ERN1: variants seen among roughly 807,000 people sequenced by gnomAD.
The protein encoded by ERN1 is endoplasmic reticulum to nucleus signaling 1.
ERN1 carries 39 observed loss-of-function variants against 113.1 expected under a neutral mutation model. The ratio of observed to expected loss-of-function variants is 0.34; its 90% CI spans 0.27 to 0.45. The LOEUF (loss-of-function observed/expected upper bound fraction) is 0.45, where lower values mean the gene tolerates loss of function less well. Ranked by LOEUF, ERN1 falls within the 20% of genes least tolerant of loss-of-function variation. ERN1 has a pLI of 1.00. For missense variants in ERN1, 976 were observed against 1,274.8 expected (o/e 0.77, Z 3.57); for synonymous variants, 507 against 515.9 (o/e 0.98, Z 0.23).
intron 1 of ERN1, among the ~76,000 whole-genome samples, chr17:64,100,216 CAG>C (rs1273452463): frequency 1.3e-5 from 2 of 152,046 alleles, no homozygotes; most frequent in African/African-American, 2.4e-5. Flanking sequence ...CATGAGTAAA[CAG>C]GGGCTAAGTG....
intron 1 of ERN1, among the ~76,000 whole-genome samples, chr17:64,124,175 G>C (rs1335368485): frequency 3.3e-5 from 5 of 152,158 alleles, no homozygotes; most frequent in Non-Finnish European, 7.3e-5. Flanking sequence ...TAGTGCAGCT[G>C]CCTTGGAAAA....
intron 1 of ERN1, among the ~76,000 whole-genome samples, chr17:64,123,290 A>G (rs747056980): frequency 1.3e-5 from 2 of 152,204 alleles, no homozygotes; most frequent in African/African-American, 4.8e-5. Flanking sequence ...CAGGGTGCTC[A>G]TGGGTGCCAC....
intron 7 of ERN1, among the ~76,000 whole-genome samples, chr17:64,067,529 G>T (rs905333156): frequency 1.3e-5 from 2 of 151,436 alleles, no homozygotes; most frequent in Non-Finnish European, 2.9e-5. Flanking sequence ...GATCGCTTGA[G>T]CCTAGGAGTT....
chr17:64,056,517 G>A (rs73330108), intron 12 of ERN1, among the ~76,000 whole-genome samples: 19,671 of 152,194 alleles, frequency 0.13, 1,695 homozygotes, highest in African/African-American at 0.24. Context: ...GGTGAGCCTG[G>A]CTGAGGTCCT....
chr17:64,119,376 GTTTTTTTTTTTTTTTTTTT>G (rs3044073), intron 1 of ERN1, among the ~76,000 whole-genome samples: 1 of 77,896 alleles, frequency 1.3e-5, no homozygotes, highest in African/African-American at 5.6e-5. Flanking sequence ...TTTTTTCTAG[GTTTTTTTTTTTTTTTTTTT>G]TTTTTTTTTT....
rs779078825 is a variant in ERN1, at chr17:64,055,701, C to T, written c.1646G>A (p.Ser549Asn). The T allele has an allele frequency of 1.9e-6, 3 of 1,601,132 alleles. No individual in the cohort carries two copies. In the African/African-American group the frequency reaches 4.0e-5, roughly 21 times the overall value. Reference protein sequence around the residue: ...SGSSASKAGSSPSLEQDDGDE... With the variant: ...SGSSASKAGSNPSLEQDDGDE... ...TCCATCGTCTTGTTCCAGGGAGGGG[C>T]TGCTGCCAGCCTTGGAGGCAGAGCT... is the stretch of plus-strand genomic sequence containing the variant. Residue 549 changes from serine (S) to asparagine (N), a missense_variant, in exon 13 of 22, where the codon AGC becomes AAC. Physicochemically the swap from Ser to Asn is conservative, Grantham distance 46. This residue lies in a region of ERN1 where 112 missense variants were observed against 106.2 expected (regional missense o/e 1.05). Transcript: ENST00000433197.
At chr17:64,116,461 T>C (rs1914804521) in intron 1 of ERN1, among the ~76,000 whole-genome samples, 1 of 152,094 alleles carries the variant, frequency 6.6e-6, no homozygotes, top group South Asian at 2.1e-4. Context: ...TCATGGCAAG[T>C]GGAAAACGAA....
intron 2 of ERN1, among the ~76,000 whole-genome samples, chr17:64,086,454 C>CT (rs1913926996): frequency 6.6e-6 from 1 of 151,974 alleles, no homozygotes; most frequent in Non-Finnish European, 1.5e-5. Flanking sequence ...ATAGTTCGCT[C>CT]TTTTTTATTA....
intron 1 of ERN1, among the ~76,000 whole-genome samples, chr17:64,100,778 T>A (rs1297771686): frequency 6.7e-6 from 1 of 149,688 alleles, no homozygotes; most frequent in Non-Finnish European, 1.5e-5. Flanking sequence ...TGAGACTCTG[T>A]CTCAATAAAT....
At chr17:64,070,259 G>T (rs1041925428) in intron 6 of ERN1, among the ~76,000 whole-genome samples, 10 of 152,182 alleles carry the variant, frequency 6.6e-5, no homozygotes, top group Non-Finnish European at 1.2e-4. Context: ...AAGATGATGG[G>T]TTCTTGTTGA....
intron 2 of ERN1, among the ~76,000 whole-genome samples, chr17:64,086,343 T>C (rs1913923060): frequency 6.6e-6 from 1 of 152,234 alleles, no homozygotes; most frequent in African/African-American, 2.4e-5. Flanking sequence ...TTTTGTTTGT[T>C]CTAAAATTTC....
intron 1 of ERN1, among the ~76,000 whole-genome samples, chr17:64,108,809 A>T (rs1290491048): frequency 6.6e-6 from 1 of 152,180 alleles, no homozygotes; most frequent in Non-Finnish European, 1.5e-5. Context: ...ATGTCTACTC[A>T]TATGCAGTTA....
chr17:64,079,255 A>C (rs1355377109), intron 4 of ERN1, among the ~76,000 whole-genome samples: 4 of 152,176 alleles, frequency 2.6e-5, no homozygotes, highest in African/African-American at 9.7e-5. Flanking sequence ...TTAGATTCTC[A>C]AATGGAAATG....
At chr17:64,080,462 T>C (rs1913733270) in intron 3 of ERN1, 1 of 292,644 alleles carries the variant, frequency 3.4e-6, no homozygotes, top group African/African-American at 2.2e-5. Context: ...TTCACCTTTT[T>C]TCTCCATGAT....
At position 64,047,899 on chromosome 17, in the gene ERN1, G is replaced by T; in HGVS notation, c.2488C>A (p.Pro830Thr). 2 of 1,613,230 alleles carry T rather than the reference G, an allele frequency of 1.2e-6. No homozygotes were observed. The highest frequency in any genetic ancestry group is 2.2e-5 in the South Asian group (2 of 91,014). Residue 830 changes from proline to threonine, a missense_variant, in exon 19 of 22, where the codon CCG (proline) becomes ACG (threonine). This residue lies in a region of ERN1 where 297 missense variants were observed against 457.8 expected (regional missense o/e 0.65). Coordinates refer to ENST00000433197, the MANE Select transcript of ERN1 (RefSeq NM_001433.5). ...TGCTTCTCTAGGCTCCAGAAGAACG[G>T]GTGTTTGAGCACATGCTTCGCTGAG... Reference protein sequence around the residue: ...RPSAKHVLKHPFFWSLEKQLQ... With the variant: ...RPSAKHVLKHTFFWSLEKQLQ...
In ERN1 at chr17:64,064,165, G is replaced by A. The variant is rs983180910; in HGVS notation, c.922-14C>T. 17 of 1,579,296 alleles carry A rather than the reference G, an allele frequency of 1.1e-5. No individual in the cohort carries two copies. In the African/African-American group the frequency reaches 2.0e-4, roughly 19 times the overall value. On this transcript the variant is annotated splice_polypyrimidine_tract_variant and intron_variant, in intron 9 of 21. Transcript: ENST00000433197. ...GCTGCCGCGGGGCTGTGGAGAGGGT[G>A]CAGTGAGGGTCAGGAGCCCTGGAGG...
intron 6 of ERN1, among the ~76,000 whole-genome samples, chr17:64,071,331 C>T (rs2143387848): frequency 6.6e-6 from 1 of 152,274 alleles, no homozygotes; most frequent in Admixed American, 6.5e-5. Context: ...ACAGGCATAC[C>T]TGGTGGAGAG....
At chr17:64,048,223 G>A (rs932670033) in intron 18 of ERN1, among the ~76,000 whole-genome samples, 7 of 152,168 alleles carry the variant, frequency 4.6e-5, no homozygotes, top group African/African-American at 9.7e-5. Context: ...GATACACTAC[G>A]GTGCCTCCCT....
At chr17:64,093,972 C>T (rs551740594) in intron 2 of ERN1, among the ~76,000 whole-genome samples, 1 of 152,332 alleles carries the variant, frequency 6.6e-6, no homozygotes, top group African/African-American at 2.4e-5. Flanking sequence ...ACTTTACAGG[C>T]ACTAAGTGTG....
Sources: gnomAD v4.1 joint callset for allele counts (sites outside exome capture counted in the v4.1 genomes callset) on GRCh38, gnomAD v4.1.1 for gene constraint, gnomAD v4.1.1 regional missense constraint, MANE v1.5 for transcripts, NCBI Gene and HGNC (gene_info 2026-07-23, HGNC 2026-07-21) for gene names.